DCAF4: variants seen among roughly 807,000 people sequenced by gnomAD.
The protein encoded by DCAF4 is DDB1- and CUL4-associated factor 4.
Under a neutral mutation model 60.9 loss-of-function variants are expected in DCAF4, and 37 were observed. The observed-to-expected ratio is 0.61, with a 90% CI of 0.47 to 0.80. DCAF4 has a LOEUF of 0.80. DCAF4 is among the 30% of genes least tolerant of loss of function. The pLI is 0.00. For missense variants in DCAF4, 577 were observed against 650.0 expected, an observed-to-expected ratio of 0.89 and a Z score of 1.22; for synonymous variants, 243 against 254.8, an observed-to-expected ratio of 0.95 and a Z score of 0.44.
At chr14:72,945,005 C>T (rs570394032) in intron 6 of DCAF4, among the ~76,000 whole-genome samples, 69 of 152,276 alleles carry the variant, frequency 4.5e-4, no homozygotes, top group Admixed American at 7.2e-4. Context: ...GGGAGAATAG[C>T]TTGAACCTGG....
At chr14:72,946,149 G>C in intron 7 of DCAF4, 122 bp downstream of exon 7, 1 of 1,286,212 alleles carries the variant, frequency 7.8e-7, no homozygotes, top group Non-Finnish European at 1.1e-6. Flanking sequence ...TTTTCCATAA[G>C]ACTTGATTTT....
intron 12 of DCAF4, 91 bp downstream of exon 12, chr14:72,955,787 A>G: frequency 8.0e-7 from 1 of 1,246,288 alleles, no homozygotes; most frequent in Non-Finnish European, 1.1e-6. Flanking sequence ...TCCTCACACC[A>G]AGACCCCAGG....
intron 1 of DCAF4, chr14:72,929,923 A>T (rs557572535): frequency 8.5e-7 from 1 of 1,178,086 alleles, no homozygotes; most frequent in Non-Finnish European, 1.2e-6. Flanking sequence ...AAGGTAGCGC[A>T]GAGCCATGGC....
At chr14:72,950,564 A>C (rs1891277972) in intron 8 of DCAF4, among the ~76,000 whole-genome samples, 1 of 152,044 alleles carries the variant, frequency 6.6e-6, no homozygotes, top group Admixed American at 6.5e-5. Context: ...CTCTGGAACA[A>C]AGTTTGGCTA....
At chr14:72,959,778 C>A, downstream of DCAF4, 2 of 490,656 alleles carry the variant, frequency 4.1e-6, no homozygotes, top group Non-Finnish European at 2.6e-6. Context: ...ATCATCTGTC[C>A]ATCTCCACCC....
At chr14:72,960,871 G>GC (rs1370338616), downstream of DCAF4, 243 of 158,664 alleles carry the variant, frequency 1.5e-3, no homozygotes, top group Non-Finnish European at 1.9e-3. Context: ...TGTATGTCAG[G>GC]CCCCCCCCAC....
chr14:72,937,859 G>A lies in DCAF4; in HGVS notation c.-8-112G>A, dbSNP rs1889496749. 56 of 1,404,914 alleles carry A rather than the reference G, an allele frequency of 4.0e-5. No individual in the cohort carries two copies. The South Asian group carries it at 8.4e-4, about 21-fold the overall frequency. The allele number at this position is 1,404,914 out of a possible 1,614,324, so 87.0% of individuals were successfully genotyped here. On this transcript the variant is annotated intron_variant, in intron 1 of 13. Coordinates refer to ENST00000358377, the MANE Select transcript of DCAF4 (RefSeq NM_015604.4). ...CTGTGGCAAATCTGATGATAACCCA[G>A]GGTGGGCCAGCCTTTTGCTGGTGCT... is the stretch of plus-strand genomic sequence containing the variant.
chr14:72,928,287 A>G (rs1176584588), intron 1 of DCAF4, among the ~76,000 whole-genome samples: 6 of 137,898 alleles, frequency 4.4e-5, no homozygotes, highest in Admixed American at 8.0e-5. Flanking sequence ...TCCGCCTCCC[A>G]GGTTTAAGGG....
downstream of DCAF4, among the ~76,000 whole-genome samples, chr14:72,960,194 T>C (rs1041729512): frequency 4.6e-5 from 7 of 151,974 alleles, no homozygotes; most frequent in African/African-American, 9.6e-5. Flanking sequence ...TTTATACTTG[T>C]TGCCCAGGCT....
At chr14:72,948,117 A>G (rs1890976683) in intron 8 of DCAF4, among the ~76,000 whole-genome samples, 1 of 152,234 alleles carries the variant, frequency 6.6e-6, no homozygotes, top group Admixed American at 6.5e-5. Context: ...TCGACAAATG[A>G]TAACTGAATC....
At chr14:72,940,614 G>A (rs191248563) in intron 4 of DCAF4, 21 of 383,518 alleles carry the variant, frequency 5.5e-5, no homozygotes, top group East Asian at 4.5e-4. Flanking sequence ...TTTTTGAGGC[G>A]GAATCTCACT....
chr14:72,927,340 GTTC>G (rs1887714662), intron 1 of DCAF4, among the ~76,000 whole-genome samples: 1 of 119,090 alleles, frequency 8.4e-6, no homozygotes, highest in South Asian at 2.8e-4. Flanking sequence ...TCGCGGTGGT[GTTC>G]TTTTTTTTTT....
At chr14:72,944,756 C>G (rs765507568) in intron 6 of DCAF4, among the ~76,000 whole-genome samples, 1 of 151,880 alleles carries the variant, frequency 6.6e-6, no homozygotes, top group Non-Finnish European at 1.5e-5. Context: ...TGTGCCACCA[C>G]ACTCCAGCCT....
chr14:72,955,445 G>A (rs941897798), intron 11 of DCAF4, 78 bp from the exon 12 acceptor site: 1 of 1,520,720 alleles, frequency 6.6e-7, no homozygotes, highest in African/African-American at 1.4e-5. Context: ...AAGAGGGGTT[G>A]TATCAGGAGG....
At chr14:72,938,456 G>A (rs1231639722) in intron 2 of DCAF4, among the ~76,000 whole-genome samples, 1 of 152,182 alleles carries the variant, frequency 6.6e-6, no homozygotes, top group East Asian at 1.9e-4. Context: ...TATTAATTCA[G>A]CCTAAGTCTC....
At chr14:72,940,525 A>G (rs970070820) in intron 4 of DCAF4, 148 bp downstream of exon 4, 2 of 737,182 alleles carry the variant, frequency 2.7e-6, no homozygotes, top group South Asian at 4.8e-5. Context: ...CCTGACAGGA[A>G]GAAGACAAGA....
intron 1 of DCAF4, among the ~76,000 whole-genome samples, chr14:72,936,285 C>T (rs1437608894): frequency 2.0e-5 from 3 of 152,106 alleles, no homozygotes; most frequent in Non-Finnish European, 2.9e-5. Context: ...GTTTTGGAGC[C>T]GGGCTTGGTG....
chr14:72,947,164 C>T lies in DCAF4; in HGVS notation c.701C>T (p.Ser234Leu), dbSNP rs537123814. 1.8e-5 allele frequency: 29 copies of T among 1,614,076 alleles called. No homozygotes were observed. The highest frequency in any genetic ancestry group is 1.7e-4 in the Middle Eastern group (1 of 6,038). Reference protein sequence around the residue: ...NRKVNSVCWASLNHLDSHILL... With the variant: ...NRKVNSVCWALLNHLDSHILL... ...CAGGTGAATTCGGTGTGCTGGGCCT[C>T]GCTGAATCACTTGGATTCCCACATT... Residue 234 changes from serine to leucine, a missense_variant, in exon 8 of 14, where the codon TCG becomes TTG. Physicochemically the swap from Ser to Leu is moderately radical, Grantham distance 145. Coordinates refer to ENST00000358377, the MANE Select transcript of DCAF4 (RefSeq NM_015604.4).
chr14:72,936,332 G>C (rs1889261171), intron 1 of DCAF4, among the ~76,000 whole-genome samples: 1 of 152,196 alleles, frequency 6.6e-6, no homozygotes, highest in Non-Finnish European at 1.5e-5. Flanking sequence ...GGGAGGACGA[G>C]GCAGGTAGAT....
Sources: gnomAD v4.1 joint callset for allele counts (sites outside exome capture counted in the v4.1 genomes callset) on GRCh38, gnomAD v4.1.1 for gene constraint, MANE v1.5 for transcripts, NCBI Gene and HGNC (gene_info 2026-07-23, HGNC 2026-07-21) for gene names.